The following PRUNE2 variants were observed in gnomAD, a reference collection of about 807,000 sequenced individuals.
PRUNE2 encodes prune homolog 2 with BCH domain.
Under a neutral mutation model 252.0 loss-of-function variants are expected in PRUNE2, and 164 were observed. The ratio of observed to expected loss-of-function variants is 0.65; its 90% CI spans 0.57 to 0.74. PRUNE2 has a LOEUF of 0.74. Among genes scored for constraint, PRUNE2 ranks in the 30% least tolerant of loss-of-function variants. PRUNE2 has a pLI of 0.00. For synonymous variants in PRUNE2, 1,292 were observed against 1,350.2 expected, an observed-to-expected ratio of 0.96 and a Z score of 0.94; for missense variants, 3,495 against 3,711.0, an observed-to-expected ratio of 0.94 and a Z score of 1.51.
At chr9:76,720,653 T>A (rs12553799) in intron 6 of PRUNE2, among the ~76,000 whole-genome samples, 32,567 of 151,382 alleles carry the variant, frequency 0.22, 4,001 homozygotes, top group East Asian at 0.57. Flanking sequence ...TTAAATCTGA[T>A]TCATAGAAAG....
At chr9:76,646,755 T>G (rs370695583) in intron 11 of PRUNE2, among the ~76,000 whole-genome samples, 3 of 152,160 alleles carry the variant, frequency 2.0e-5, no homozygotes, top group East Asian at 3.9e-4. Context: ...TTCCCTCTAG[T>G]GAACTTTCCA....
intron 6 of PRUNE2, among the ~76,000 whole-genome samples, chr9:76,732,279 C>G (rs1487231168): frequency 6.6e-6 from 1 of 152,150 alleles, no homozygotes; most frequent in Non-Finnish European, 1.5e-5. Flanking sequence ...TGCACTCCAG[C>G]CTGGGGGGCA....
intron 12 of PRUNE2, among the ~76,000 whole-genome samples, chr9:76,643,057 G>C (rs1329485917): frequency 1.3e-5 from 2 of 152,194 alleles, no homozygotes; most frequent in African/African-American, 2.4e-5. Flanking sequence ...TAGCCCTGAG[G>C]GCTCAGGTGA....
chr9:76,688,939 G>A (rs2044412501), intron 9 of PRUNE2, among the ~76,000 whole-genome samples: 1 of 152,164 alleles, frequency 6.6e-6, no homozygotes, highest in Non-Finnish European at 1.5e-5. Context: ...CAGCTGCAGT[G>A]TTCCTTCTCC....
At position 76,705,023 on chromosome 9, in the gene PRUNE2, T is replaced by C. The variant is rs2046211043; in HGVS notation, c.7251A>G (p.Pro2417=). Residue 2417 remains proline (P), a synonymous_variant, in exon 8 of 19, where the codon CCA becomes CCG. Transcript: ENST00000376718. ...SAETIEEAGS[P]EDESLGCRAA... is the part of the protein sequence containing the mutation. ...CTCTGCATCCCAGAGATTCATCCTC[T>C]GGAGACCCAGCTTCCTCTATTGTTT... is the stretch of plus-strand genomic sequence containing the variant. 6.2e-7 allele frequency: 1 copy of C among 1,613,878 alleles called. No individual in the cohort carries two copies. The highest frequency in any genetic ancestry group is 1.3e-5 in the African/African-American group (1 of 74,930).
Position 76,826,675 on chromosome 9 carries a change from T to C in PRUNE2, c.566A>G (p.Glu189Gly). The C allele has an allele frequency of 6.2e-7, 1 of 1,612,756 alleles. No individual in the cohort carries two copies. The highest frequency in any genetic ancestry group is 1.1e-5 in the South Asian group (1 of 90,768). The change falls in exon 5 of 19, where the codon GAG becomes GGG. Residue 189 changes from glutamate (E) to glycine (G), a missense_variant. Transcript: ENST00000376718. Reference sequence around the variant, plus strand: ...TTCTTCCAGGATAGAAAGAATTTCCTCCTGCTTCTCTGAGATCTTCTCTGA... The same window carrying C: ...TTCTTCCAGGATAGAAAGAATTTCCCCCTGCTTCTCTGAGATCTTCTCTGA... ...MESEKISEKQ[E>G]EILSILEEKF...
intron 6 of PRUNE2, among the ~76,000 whole-genome samples, chr9:76,728,363 A>C (rs943535895): frequency 6.6e-6 from 1 of 152,210 alleles, no homozygotes; most frequent in Non-Finnish European, 1.5e-5. Context: ...TAAAAAAAAA[A>C]ATACAAGTAC....
intron 1 of PRUNE2, among the ~76,000 whole-genome samples, chr9:76,888,963 C>T (rs1411998643): frequency 6.6e-6 from 1 of 152,126 alleles, no homozygotes; most frequent in East Asian, 1.9e-4. Context: ...CTGCCTCAGC[C>T]TCTCAAGTAG....
intron 1 of PRUNE2, among the ~76,000 whole-genome samples, chr9:76,857,970 T>C (rs2060347540): frequency 6.6e-6 from 1 of 152,142 alleles, no homozygotes; most frequent in South Asian, 2.1e-4. Context: ...CCCCTTCCTA[T>C]CTCACATATC....
intron 1 of PRUNE2, among the ~76,000 whole-genome samples, chr9:76,858,191 A>G (rs1327080151): frequency 6.6e-6 from 1 of 152,250 alleles, no homozygotes; most frequent in Non-Finnish European, 1.5e-5. Context: ...CTAGGCTCTA[A>G]GGATATAGCA....
At chr9:76,678,349 C>CAAAA (rs58096428) in intron 9 of PRUNE2, among the ~76,000 whole-genome samples, 3 of 83,114 alleles carry the variant, frequency 3.6e-5, no homozygotes, top group Admixed American at 1.4e-4. Flanking sequence ...GAGACTCCAT[C>CAAAA]AAAAAAAAAA....
intron 15 of PRUNE2, among the ~76,000 whole-genome samples, chr9:76,632,010 T>A (rs1837860778): frequency 6.6e-6 from 1 of 152,248 alleles, no homozygotes; most frequent in Non-Finnish European, 1.5e-5. Context: ...TATTCCATAG[T>A]GTATATGTAC....
At chr9:76,814,601 T>C (rs2057563892) in intron 6 of PRUNE2, among the ~76,000 whole-genome samples, 1 of 152,300 alleles carries the variant, frequency 6.6e-6, no homozygotes, top group Non-Finnish European at 1.5e-5. Flanking sequence ...CATTTTATTC[T>C]GGGGAGGAGA....
intron 6 of PRUNE2, chr9:76,737,973 T>G (rs1157665381): frequency 6.6e-6 from 1 of 152,248 alleles, no homozygotes; most frequent in African/African-American, 2.4e-5. Flanking sequence ...AGCCTAAGAC[T>G]TCTTCTTTTA....
At chr9:76,752,326 T>C (rs1456041717) in intron 6 of PRUNE2, among the ~76,000 whole-genome samples, 1 of 152,154 alleles carries the variant, frequency 6.6e-6, no homozygotes, top group Non-Finnish European at 1.5e-5. Flanking sequence ...CGCGATCTCC[T>C]GACCTCGTGA....
chr9:76,902,503 G>C (rs1341834841), intron 1 of PRUNE2, among the ~76,000 whole-genome samples: 2 of 152,306 alleles, frequency 1.3e-5, no homozygotes, highest in South Asian at 2.1e-4. Flanking sequence ...CTCACATCAA[G>C]GAAGTGATTT....
intron 18 of PRUNE2, among the ~76,000 whole-genome samples, chr9:76,616,385 G>A (rs1336184359): frequency 2.6e-5 from 4 of 152,110 alleles, no homozygotes; most frequent in Non-Finnish European, 5.9e-5. Context: ...TTTCTCTCAC[G>A]GTGTTGGTTG....
intron 6 of PRUNE2, among the ~76,000 whole-genome samples, chr9:76,726,736 G>C (rs1213966680): frequency 6.6e-6 from 1 of 152,168 alleles, no homozygotes; most frequent in East Asian, 1.9e-4. Flanking sequence ...GTCAACATGA[G>C]GGTGTTTCTC....
chr9:76,711,958 G>A (rs2046767443), intron 7 of PRUNE2, among the ~76,000 whole-genome samples: 1 of 152,220 alleles, frequency 6.6e-6, no homozygotes, highest in South Asian at 2.1e-4. Context: ...GAGGCAAGGG[G>A]ACACTGACGG....
Sources: gnomAD v4.1 joint callset for allele counts (sites outside exome capture counted in the v4.1 genomes callset) on GRCh38, gnomAD v4.1.1 for gene constraint, MANE v1.5 for transcripts, NCBI Gene and HGNC (gene_info 2026-07-23, HGNC 2026-07-21) for gene names.